Variants in TMEM232 observed in about 807,000 individuals in gnomAD.
TMEM232 encodes the protein transmembrane protein 232.
TMEM232 carries 80 observed loss-of-function variants against 78.8 expected under a neutral mutation model. That is an observed-to-expected ratio of 1.01 (90% CI 0.85 to 1.22). TMEM232 has a LOEUF of 1.22. Among genes scored for constraint, TMEM232 ranks in the 50% most tolerant of loss-of-function variants. The pLI is 0.00. For missense variants in TMEM232, 881 were observed against 742.2 expected (o/e 1.19, Z -2.17); for synonymous variants, 297 against 254.3 (o/e 1.17, Z -1.60).
intron 12 of TMEM232, among the ~76,000 whole-genome samples, chr5:110,479,238 TA>T (rs1207845956): frequency 6.6e-6 from 1 of 151,800 alleles, no homozygotes; most frequent in Non-Finnish European, 1.5e-5. Flanking sequence ...ATAGAACATA[TA>T]AAAACATAGA....
chr5:110,512,372 A>G (rs951815233), intron 12 of TMEM232, among the ~76,000 whole-genome samples: 19 of 152,228 alleles, frequency 1.2e-4, no homozygotes, highest in Non-Finnish European at 2.8e-4. Context: ...AGTCACGAGC[A>G]GTAGTTCTAG....
intron 10 of TMEM232, among the ~76,000 whole-genome samples, chr5:110,598,490 A>G (rs1780467702): frequency 6.6e-6 from 1 of 152,136 alleles, no homozygotes; most frequent in Non-Finnish European, 1.5e-5. Context: ...ATACCATTTG[A>G]CTCAGCCATC....
At chr5:110,589,603 A>G (rs2149764308) in intron 10 of TMEM232, among the ~76,000 whole-genome samples, 1 of 152,214 alleles carries the variant, frequency 6.6e-6, no homozygotes, top group South Asian at 2.1e-4. Flanking sequence ...TTTATTAATT[A>G]TACTTCTTTG....
intron 12 of TMEM232, among the ~76,000 whole-genome samples, chr5:110,428,103 G>T (rs1164078734): frequency 6.6e-6 from 1 of 151,514 alleles, no homozygotes; most frequent in Admixed American, 6.6e-5. Context: ...TTGATTTTTT[G>T]TACCCATTAA....
At chr5:110,668,440 C>A (rs1458675182) in intron 1 of TMEM232, among the ~76,000 whole-genome samples, 2 of 152,140 alleles carry the variant, frequency 1.3e-5, no homozygotes, top group African/African-American at 4.8e-5. Context: ...CTGTGCTACT[C>A]ATTTGCCAAA....
intron 12 of TMEM232, among the ~76,000 whole-genome samples, chr5:110,493,502 C>G (rs1206854742): frequency 1.3e-5 from 2 of 151,774 alleles, no homozygotes; most frequent in Non-Finnish European, 2.9e-5. Flanking sequence ...TGGGACAAAG[C>G]AGAGAGCCCA....
intron 12 of TMEM232, among the ~76,000 whole-genome samples, chr5:110,462,433 C>G (rs1160155077): frequency 1.3e-5 from 2 of 152,196 alleles, no homozygotes; most frequent in Admixed American, 1.3e-4. Context: ...ACCATCTAAT[C>G]AGCTGCCAGC....
chr5:110,541,670 CAT>C (rs1050359717), intron 11 of TMEM232, among the ~76,000 whole-genome samples: 10 of 151,546 alleles, frequency 6.6e-5, no homozygotes, highest in Non-Finnish European at 8.8e-5. Context: ...TGTCAGGAAA[CAT>C]AAAAAACGTG....
chr5:110,413,801 G>A lies in TMEM232; in HGVS notation n.308+11022C>T, dbSNP rs188248756. Among the ~76,000 whole-genome samples, 15 of 152,258 alleles carry A rather than the reference G, an allele frequency of 9.9e-5. No homozygotes were observed. The East Asian group carries it at 2.9e-3, about 29-fold the overall frequency. ...TATTAAGGGAGCCAAAGGTAAGAGG[G>A]GACTCACTATTTTGAACAGAAATTA... On this transcript the variant is annotated intron_variant and non_coding_transcript_variant, in intron 2 of 8. Transcript: ENST00000507188.
intron 2 of TMEM232, among the ~76,000 whole-genome samples, chr5:110,660,813 A>C (rs953462432): frequency 6.6e-6 from 1 of 152,176 alleles, no homozygotes; most frequent in Non-Finnish European, 1.5e-5. Context: ...AATCACCTCA[A>C]GCATTTATCA....
chr5:110,649,900 G>C (rs1406602117), intron 2 of TMEM232, among the ~76,000 whole-genome samples: 3 of 152,006 alleles, frequency 2.0e-5, no homozygotes, highest in African/African-American at 7.2e-5. Flanking sequence ...ATCTGACTTT[G>C]TCCTTTAACA....
intron 12 of TMEM232, among the ~76,000 whole-genome samples, chr5:110,479,167 G>A (rs193155098): frequency 1.3e-5 from 2 of 151,736 alleles, no homozygotes; most frequent in East Asian, 1.9e-4. Flanking sequence ...GTTTTTAAGG[G>A]CTGAGGTATT....
rs1301786348 is a variant in TMEM232 at position 110,638,243 on chromosome 5, T to A, written c.456A>T (p.Ala152=). ...CTGAATATAAATATGTTTTGAGGGA[T>A]GCATCACAACACAGTCTGTATAAAA... ...ESVLYRLCCD[A]SLKTYLYSVE... is the part of the protein sequence containing the mutation. Residue 152 remains alanine (A), a synonymous_variant, in exon 5 of 14, where the codon GCA becomes GCT. Coordinates refer to ENST00000455884, the MANE Select transcript of TMEM232 (RefSeq NM_001039763.4). 2 of 1,549,694 alleles carry A rather than the reference T, an allele frequency of 1.3e-6. No individual in the cohort carries two copies. Among genetic ancestry groups the A allele is most frequent in the South Asian group, 2.4e-5 (2 of 83,460 alleles).
intron 1 of TMEM232, among the ~76,000 whole-genome samples, chr5:110,685,781 T>C (rs1223744107): frequency 6.6e-6 from 1 of 152,124 alleles, no homozygotes; most frequent in Non-Finnish European, 1.5e-5. Flanking sequence ...CAATTTGTGG[T>C]ATGTTTATAT....
intron 2 of TMEM232, among the ~76,000 whole-genome samples, chr5:110,732,979 A>C (rs549430093): frequency 2.0e-5 from 3 of 152,310 alleles, no homozygotes; most frequent in African/African-American, 7.2e-5. Flanking sequence ...TATATATGAA[A>C]ACAACAAACA....
chr5:110,456,560 A>G (rs773414738), intron 12 of TMEM232, among the ~76,000 whole-genome samples: 6 of 152,146 alleles, frequency 3.9e-5, no homozygotes, highest in Admixed American at 3.3e-4. Flanking sequence ...ACTTGCTTGG[A>G]GAAGCAAAAT....
At chr5:110,726,922 T>A (rs1255411125), upstream of TMEM232, 2 of 152,220 alleles carry the variant, frequency 1.3e-5, no homozygotes, top group African/African-American at 4.8e-5. Context: ...AGAAGCGGCT[T>A]CACAGTGCTT....
intron 12 of TMEM232, among the ~76,000 whole-genome samples, chr5:110,487,498 T>G (rs1179478804): frequency 6.6e-6 from 1 of 152,156 alleles, no homozygotes; most frequent in Non-Finnish European, 1.5e-5. Context: ...ATGCCAATTT[T>G]GCTGAGAGTT....
At chr5:110,626,316 C>T (rs1423943637) in intron 6 of TMEM232, among the ~76,000 whole-genome samples, 1 of 151,980 alleles carries the variant, frequency 6.6e-6, no homozygotes, top group African/African-American at 2.4e-5. Flanking sequence ...ATGCTGAACA[C>T]TGTGAGGAGT....
Sources: gnomAD v4.1 joint callset for allele counts (sites outside exome capture counted in the v4.1 genomes callset) on GRCh38, gnomAD v4.1.1 for gene constraint, MANE v1.5 for transcripts, NCBI Gene and HGNC (gene_info 2026-07-23, HGNC 2026-07-21) for gene names.